ZXDC: variants seen among roughly 807,000 people sequenced by gnomAD.
The protein encoded by ZXDC is zinc finger protein ZXDC.
ZXDC carries 58 observed loss-of-function variants against 63.6 expected under a neutral mutation model. That is an observed-to-expected ratio of 0.91 (90% CI 0.74 to 1.13). The LOEUF is 1.13. ZXDC is among the 50% of genes most tolerant of loss of function. The pLI is 0.00. For synonymous variants in ZXDC, 561 were observed against 496.1 expected (o/e 1.13, Z -1.74); for missense variants, 1,133 against 1,148.9 (o/e 0.99, Z 0.20).
rs1324340925 is a variant in ZXDC, at chr3:126,475,610, C to T, written c.256G>A (p.Ala86Thr). 2 of 1,470,696 alleles carry T rather than the reference C, an allele frequency of 1.4e-6. No individual in the cohort carries two copies. The highest frequency in any genetic ancestry group is 2.9e-5 in the East Asian group (1 of 34,646). 91.1% of individuals were successfully genotyped at this position (1,470,696 alleles called of 1,614,324 possible). Residue 86 changes from alanine (A) to threonine (T), a missense_variant, in exon 1 of 10, where the codon GCT (alanine) becomes ACT (threonine). Physicochemically the swap from Ala to Thr is moderately conservative, Grantham distance 58. Transcript: ENST00000389709. ...LVLLEVPHGGAAAEAAGSQEA... is the reference protein window; with the variant it reads ...LVLLEVPHGGTAAEAAGSQEA... ...TGTGATCCGGCAGCCTCGGCGGCAG[C>T]GCCGCCGTGCGGCACTTCCAGCAGC... is the stretch of plus-strand genomic sequence containing the variant.
intron 7 of ZXDC, chr3:126,457,280 T>C (rs1224529087): frequency 9.1e-6 from 9 of 985,050 alleles, no homozygotes; most frequent in African/African-American, 1.7e-5. Context: ...GGCAAAGGCA[T>C]CCCCGCCAGA....
Position 126,472,067 on chromosome 3 carries a change from A to C in ZXDC, c.1061-16T>G. 1 of 1,610,260 alleles carries C rather than the reference A, an allele frequency of 6.2e-7. No individual in the cohort carries two copies. Among genetic ancestry groups the C allele is most frequent in the Non-Finnish European group, 8.5e-7 (1 of 1,178,918 alleles). ...GGTCTTTCACCTTATAAAAGAAAAA[A>C]TTATACAGCATAAAATTTACAACTC... On this transcript the variant is annotated splice_polypyrimidine_tract_variant and intron_variant, in intron 2 of 9. Transcript: ENST00000389709.
chr3:126,438,573 C>T, intron 9 of ZXDC, 112 bp from the exon 10 acceptor site: 1 of 898,714 alleles, frequency 1.1e-6, no homozygotes, highest in East Asian at 2.7e-5. Context: ...CCTGACTTCT[C>T]TTACTCAAAA....
At position 126,455,814 on chromosome 3, in the gene ZXDC, G is replaced by A. The variant is rs141124331; in HGVS notation, c.2212+3839C>T. ...AGATGGAGACCATCCTGGCTAATAC[G>A]GTGAAACCCCCGTCTCTACTAAAAA... On this transcript the variant is annotated intron_variant, in intron 7 of 9. Transcript: ENST00000389709. 4.0e-5 allele frequency among the ~76,000 whole-genome samples: 6 copies of A among 151,838 alleles called. No individual in the cohort carries two copies. The South Asian group carries it at 1.3e-3, about 32-fold the overall frequency.
chr3:126,441,974 C>T lies in ZXDC; in HGVS notation c.2213-28G>A, dbSNP rs372848701. 3.2e-6 allele frequency: 5 copies of T among 1,564,368 alleles called. 1 individual carries two copies. The African/African-American group carries it at 6.8e-5, about 21-fold the overall frequency. ...AAAATGAAATATAAAAACGAGCACA[C>T]CCAATCTACAATCTACCAGTCAGGT... On this transcript the variant is annotated intron_variant, in intron 7 of 9. Coordinates refer to ENST00000389709, the MANE Select transcript of ZXDC (RefSeq NM_025112.5).
At chr3:126,458,101 C>G (rs922484841) in intron 7 of ZXDC, among the ~76,000 whole-genome samples, 10 of 152,132 alleles carry the variant, frequency 6.6e-5, no homozygotes, top group African/African-American at 1.9e-4. Flanking sequence ...TTCCAACAGA[C>G]AGTTACATAA....
chr3:126,457,185 C>G (rs1440667681), intron 7 of ZXDC: 1 of 866,748 alleles, frequency 1.2e-6, no homozygotes, highest in Non-Finnish European at 1.4e-6. Context: ...GTCTGCCATT[C>G]AGCTGCCAGG....
rs116548702 is a variant in ZXDC at position 126,460,663 on chromosome 3, C to T, written c.2127+872G>A. 1.4e-3 allele frequency: 1,374 copies of T among 985,298 alleles called. 20 individuals are homozygous for T. The African/African-American group carries it at 0.022, about 16-fold the overall frequency. The allele number at this position is 985,298 out of a possible 1,614,324, so 61.0% of individuals were successfully genotyped here. On this transcript the variant is annotated intron_variant, in intron 6 of 9. Transcript: ENST00000389709. The stretch of plus-strand genomic sequence containing the variant: ...CTACTATGGCCGCCTAAGCAAATGC[C>T]GGCAAGCATGGCTCTGCCACCGACA...
chr3:126,464,995 T>G (rs980684240), intron 5 of ZXDC, among the ~76,000 whole-genome samples: 1 of 152,220 alleles, frequency 6.6e-6, no homozygotes, highest in Non-Finnish European at 1.5e-5. Flanking sequence ...AGAACTGCCC[T>G]GAGCCCAACC....
At chr3:126,460,040 C>T in intron 6 of ZXDC, 1 of 985,442 alleles carries the variant, frequency 1.0e-6, no homozygotes. Context: ...TACTTCTCTG[C>T]TTTCTGAAAC....
chr3:126,460,058 G>A (rs920310421), intron 6 of ZXDC: 44 of 985,224 alleles, frequency 4.5e-5, no homozygotes, highest in Non-Finnish European at 5.1e-5. Flanking sequence ...AACAAACACC[G>A]AGCCTTGCCT....
At chr3:126,464,782 T>C (rs1560102124) in intron 5 of ZXDC, among the ~76,000 whole-genome samples, 1 of 152,120 alleles carries the variant, frequency 6.6e-6, no homozygotes, top group East Asian at 1.9e-4. Flanking sequence ...TGGGCCTCTG[T>C]GAGCAAAGGT....
chr3:126,438,745 T>C (rs1197760855), intron 9 of ZXDC, among the ~76,000 whole-genome samples: 3 of 152,248 alleles, frequency 2.0e-5, no homozygotes, highest in Non-Finnish European at 4.4e-5. Context: ...TCTTTACTTC[T>C]GCAACCCTTT....
intron 6 of ZXDC, chr3:126,460,786 C>T (rs1934495467): frequency 1.0e-6 from 1 of 985,224 alleles, no homozygotes; most frequent in Non-Finnish European, 1.2e-6. Context: ...ATGTGCCTCA[C>T]AACTGATCCT....
chr3:126,471,036 G>A lies in ZXDC; in HGVS notation c.1140-11C>T. The stretch of plus-strand genomic sequence containing the variant: ...TCATCGTCATGTTTCCTGCCAGACA[G>A]AAAAATAAAGGAGCTGTGATTCCTC... On this transcript the variant is annotated splice_polypyrimidine_tract_variant and intron_variant, in intron 3 of 9. Transcript: ENST00000389709. 6.2e-7 allele frequency: 1 copy of A among 1,611,712 alleles called. No individual in the cohort carries two copies. Among genetic ancestry groups the A allele is most frequent in the East Asian group, 2.2e-5 (1 of 44,822 alleles).
At chr3:126,472,906 A>G (rs547645246) in intron 1 of ZXDC, among the ~76,000 whole-genome samples, 1 of 152,312 alleles carries the variant, frequency 6.6e-6, no homozygotes, top group African/African-American at 2.4e-5. Flanking sequence ...GCTAAGCCTC[A>G]ACAATTCCAC....
chr3:126,453,402 T>A, intron 7 of ZXDC: 4 of 985,184 alleles, frequency 4.1e-6, no homozygotes, highest in Non-Finnish European at 4.8e-6. Flanking sequence ...CATTTAAGCA[T>A]CAAAATCTGG....
chr3:126,464,961 G>A (rs1051131099), intron 5 of ZXDC, among the ~76,000 whole-genome samples: 1 of 152,216 alleles, frequency 6.6e-6, no homozygotes, highest in South Asian at 2.1e-4. Flanking sequence ...CTTCTAAATA[G>A]GATCACAAGA....
intron 8 of ZXDC, chr3:126,440,957 T>TC: frequency 3.0e-6 from 3 of 985,600 alleles, no homozygotes; most frequent in Non-Finnish European, 3.6e-6. Flanking sequence ...CCTCCGCACT[T>TC]CCGTGGGGCC....
Sources: allele counts gnomAD v4.1 joint callset (sites outside exome capture counted in the v4.1 genomes callset), GRCh38; gene constraint gnomAD v4.1.1; transcripts MANE v1.5; gene names NCBI Gene and HGNC (gene_info 2026-07-23, HGNC 2026-07-21).